The following PTPRG variants were observed in gnomAD, a reference collection of about 807,000 sequenced individuals.
PTPRG encodes the protein receptor-type tyrosine-protein phosphatase gamma.
A neutral mutation model predicts 165.3 loss-of-function variants in PTPRG; 102 were observed. The ratio of observed to expected loss-of-function variants is 0.62; its 90% CI spans 0.53 to 0.73. The LOEUF is 0.73. Ranked by LOEUF, PTPRG falls within the 30% of genes least tolerant of loss-of-function variation. The pLI, the probability that PTPRG is intolerant of heterozygous loss-of-function variation, is 0.00. For missense variants in PTPRG, 1,866 were observed against 1,861.4 expected (o/e 1.00, Z -0.05); for synonymous variants, 675 against 669.5 (o/e 1.01, Z -0.13).
At chr3:62,066,937 C>T (rs182540253) in intron 4 of PTPRG, among the ~76,000 whole-genome samples, 6 of 148,910 alleles carry the variant, frequency 4.0e-5, no homozygotes, top group African/African-American at 9.9e-5. Context: ...ACTCAGGAGG[C>T]GGAGGCAGGA....
In PTPRG at chr3:62,230,786, C is replaced by T. The variant is rs115742266; in HGVS notation, c.2289-439C>T. Among the ~76,000 whole-genome samples, 747 of 152,302 alleles carry T rather than the reference C, an allele frequency of 4.9e-3. 6 individuals carry two copies. Among genetic ancestry groups the T allele is most frequent in the African/African-American group, 0.017 (718 of 41,556 alleles). On this transcript the variant is annotated intron_variant, in intron 13 of 29. Coordinates refer to ENST00000474889, the MANE Select transcript of PTPRG (RefSeq NM_002841.4). ...ACAAAACCCGAAATGTGTCTAATGG[C>T]ACCAAATTCAGAGACATTTGTGGCA... is the stretch of plus-strand genomic sequence containing the variant.
chr3:61,658,293 A>C (rs541427205), intron 1 of PTPRG, among the ~76,000 whole-genome samples: 183 of 152,276 alleles, frequency 1.2e-3, no homozygotes, highest in Non-Finnish European at 2.4e-3. Flanking sequence ...TTATGAATTC[A>C]GATGTCCCTG....
At chr3:61,739,184 G>A (rs916996802) in intron 1 of PTPRG, 1 of 151,772 alleles carries the variant, frequency 6.6e-6, no homozygotes, top group Non-Finnish European at 1.5e-5. Context: ...ATCTGTTCCT[G>A]GTTGTGATCA....
intron 1 of PTPRG, among the ~76,000 whole-genome samples, chr3:61,570,886 T>C (rs1055684226): frequency 6.6e-6 from 1 of 152,192 alleles, no homozygotes; most frequent in African/African-American, 2.4e-5. Context: ...CTTAGCTCTG[T>C]CTGTGGGTAG....
intron 4 of PTPRG, among the ~76,000 whole-genome samples, chr3:62,059,071 T>A (rs1700722570): frequency 6.6e-6 from 1 of 152,090 alleles, no homozygotes; most frequent in Non-Finnish European, 1.5e-5. Context: ...GATTGTAGAG[T>A]CACTGGATCC....
At chr3:61,586,504 G>A (rs1700438640) in intron 1 of PTPRG, among the ~76,000 whole-genome samples, 1 of 152,122 alleles carries the variant, frequency 6.6e-6, no homozygotes, top group Non-Finnish European at 1.5e-5. Context: ...GGAAACTAAA[G>A]CTTGACTGTT....
intron 7 of PTPRG, among the ~76,000 whole-genome samples, chr3:62,158,856 G>C (rs530810747): frequency 6.6e-6 from 1 of 152,112 alleles, no homozygotes; most frequent in African/African-American, 2.4e-5. Context: ...GGATCTGCCA[G>C]CCTTAAGGAG....
chr3:61,843,611 C>G (rs2036715552), intron 2 of PTPRG, among the ~76,000 whole-genome samples: 1 of 152,086 alleles, frequency 6.6e-6, no homozygotes, highest in Admixed American at 6.6e-5. Context: ...CAGTCTTTCT[C>G]AAAACTAAGA....
Position 61,856,879 on chromosome 3 carries a change from A to G in PTPRG, c.190+107897A>G, listed in dbSNP as rs78241560. On this transcript the variant is annotated intron_variant, in intron 2 of 29. Transcript: ENST00000474889. Reference sequence around the variant, plus strand: ...TTTGTATGTTGGGGCACTGAACCTCAGAGGGTAAACCATTTAAAGTCACAT... The same window carrying G: ...TTTGTATGTTGGGGCACTGAACCTCGGAGGGTAAACCATTTAAAGTCACAT... Among the ~76,000 whole-genome samples, 1,334 of 152,320 alleles carry G rather than the reference A, an allele frequency of 8.8e-3. 8 individuals are homozygous for G. The highest frequency in any genetic ancestry group is 0.015 in the Non-Finnish European group (1,007 of 68,026).
intron 1 of PTPRG, among the ~76,000 whole-genome samples, chr3:61,667,635 A>C (rs1702846420): frequency 6.6e-6 from 1 of 152,140 alleles, no homozygotes; most frequent in South Asian, 2.1e-4. Flanking sequence ...TCGACTGCCC[A>C]GAATTACCGG....
At chr3:61,983,140 T>C (rs1360949808) in intron 2 of PTPRG, among the ~76,000 whole-genome samples, 1 of 152,180 alleles carries the variant, frequency 6.6e-6, no homozygotes, top group Non-Finnish European at 1.5e-5. Context: ...AGCAGTAATA[T>C]GCATGCCTTT....
chr3:62,259,901 T>C (rs1349652659), intron 16 of PTPRG, among the ~76,000 whole-genome samples: 3 of 151,962 alleles, frequency 2.0e-5, no homozygotes, highest in African/African-American at 2.4e-5. Context: ...TTGTCTGGGA[T>C]TGGGAAGGGT....
Position 62,229,730 on chromosome 3 carries a change from A to G in PTPRG, c.2289-1495A>G, listed in dbSNP as rs1008751998. Among the ~76,000 whole-genome samples, 2 of 152,180 alleles carry G rather than the reference A, an allele frequency of 1.3e-5. No individual in the cohort carries two copies. The highest frequency in any genetic ancestry group is 4.8e-5 in the African/African-American group (2 of 41,444). ...TGCTGGTTTGCTCAGGTAGCCTCAA[A>G]TATCTCAATTATTCAAGATATTAGT... On this transcript the variant is annotated intron_variant, in intron 13 of 29. Coordinates refer to ENST00000474889, the MANE Select transcript of PTPRG (RefSeq NM_002841.4). The surrounding 1 kb of genome is among the most constrained non-coding windows in gnomAD (Gnocchi z 4.6).
chr3:61,950,856 G>A (rs1242232838), intron 2 of PTPRG, among the ~76,000 whole-genome samples: 7 of 152,168 alleles, frequency 4.6e-5, no homozygotes, highest in Non-Finnish European at 1.0e-4. Context: ...TGGCATATAC[G>A]TAAATATTAT....
At chr3:61,631,166 T>G (rs1286432392) in intron 1 of PTPRG, among the ~76,000 whole-genome samples, 1 of 152,016 alleles carries the variant, frequency 6.6e-6, no homozygotes, top group Non-Finnish European at 1.5e-5. Flanking sequence ...GAAGCAGAGC[T>G]GACCATTAAA....
At position 62,292,417 on chromosome 3, in the gene PTPRG, C is replaced by T; in HGVS notation, c.4056-4C>T. On this transcript the variant is annotated splice_region_variant and splice_polypyrimidine_tract_variant and intron_variant, in intron 28 of 29. Coordinates refer to ENST00000474889, the MANE Select transcript of PTPRG (RefSeq NM_002841.4). ...AAATCGTATCTTTTTTTTTTCTCCC[C>T]CAGGTATGGAGCAGTTTCAGCAGGA... 2.5e-6 allele frequency: 4 copies of T among 1,598,052 alleles called. No individual in the cohort carries two copies. Among genetic ancestry groups the T allele is most frequent in the Admixed American group, 1.8e-5 (1 of 56,060 alleles).
chr3:61,700,897 A>G (rs2030914776), intron 1 of PTPRG, among the ~76,000 whole-genome samples: 1 of 152,186 alleles, frequency 6.6e-6, no homozygotes, highest in Non-Finnish European at 1.5e-5. Context: ...TGATAGAAAC[A>G]AATGTGCATC....
At chr3:61,894,880 A>G (rs953371430) in intron 2 of PTPRG, among the ~76,000 whole-genome samples, 13 of 152,132 alleles carry the variant, frequency 8.5e-5, no homozygotes, top group Admixed American at 8.5e-4. Flanking sequence ...CCTTTTGTTA[A>G]ATGCAATGCT....
At chr3:62,055,960 T>A (rs1700618867) in intron 4 of PTPRG, among the ~76,000 whole-genome samples, 1 of 152,242 alleles carries the variant, frequency 6.6e-6, no homozygotes, top group African/African-American at 2.4e-5. Context: ...CAAAATCTTT[T>A]GGGAAGATAT....
Sources: gnomAD v4.1 joint callset for allele counts (sites outside exome capture counted in the v4.1 genomes callset) on GRCh38, gnomAD v4.1.1 for gene constraint, Gnocchi (gnomAD v3.1) non-coding constraint, MANE v1.5 for transcripts, NCBI Gene and HGNC (gene_info 2026-07-23, HGNC 2026-07-21) for gene names.